SLC36A1: variants seen among roughly 807,000 people sequenced by gnomAD.
The protein encoded by SLC36A1 is proton-coupled amino acid transporter 1.
SLC36A1 carries 30 observed loss-of-function variants against 47.5 expected under a neutral mutation model. The ratio of observed to expected loss-of-function variants is 0.63; its 90% CI spans 0.47 to 0.86. The LOEUF is 0.86. SLC36A1 is among the 40% of genes least tolerant of loss of function. SLC36A1 has a pLI of 0.00. For missense variants in SLC36A1, 517 were observed against 606.0 expected, an observed-to-expected ratio of 0.85 and a Z score of 1.54; for synonymous variants, 255 against 249.7, an observed-to-expected ratio of 1.02 and a Z score of -0.20.
the SLC36A1 span, among the ~76,000 whole-genome samples, chr5:151,428,061 C>G: frequency 2.3e-3 from 343 of 152,310 alleles, 1 homozygote; most frequent in African/African-American, 7.7e-3. Context: ...GCTTCAGCCT[C>G]CCGATTGTGG....
the SLC36A1 span, among the ~76,000 whole-genome samples, chr5:151,518,722 A>C: frequency 1.3e-5 from 2 of 152,246 alleles, no homozygotes; most frequent in African/African-American, 4.8e-5. Context: ...GCACAGTTGC[A>C]TAGTATGGAG....
At chr5:151,462,750 A>G (rs188202423) in intron 2 of SLC36A1, among the ~76,000 whole-genome samples, 120 of 150,904 alleles carry the variant, frequency 8.0e-4, no homozygotes, top group African/African-American at 2.2e-3. Context: ...TTCACTTTGT[A>G]TCTTTCTGTT....
the SLC36A1 span, among the ~76,000 whole-genome samples, chr5:151,353,819 G>A: frequency 1.3e-5 from 2 of 152,072 alleles, no homozygotes; most frequent in Admixed American, 6.5e-5. Context: ...CATACAGACC[G>A]TAGCCTTACA....
chr5:151,365,350 G>A, the SLC36A1 span, among the ~76,000 whole-genome samples: 1 of 152,184 alleles, frequency 6.6e-6, no homozygotes, highest in Non-Finnish European at 1.5e-5. Flanking sequence ...ATCTTCACCT[G>A]GTTAAGGTGC....
At chr5:151,521,250 G>C in the SLC36A1 span, 5 of 1,569,804 alleles carry the variant, frequency 3.2e-6, no homozygotes, top group Admixed American at 1.7e-5. Context: ...AGTGCTGCTC[G>C]TCCCTAGGGA....
chr5:151,386,661 T>C, the SLC36A1 span, among the ~76,000 whole-genome samples: 2 of 152,172 alleles, frequency 1.3e-5, no homozygotes, highest in Admixed American at 6.5e-5. Context: ...CTTGTGCAAT[T>C]GGACACTCTC....
At chr5:151,366,216 T>A in the SLC36A1 span, among the ~76,000 whole-genome samples, 1 of 152,170 alleles carries the variant, frequency 6.6e-6, no homozygotes, top group South Asian at 2.1e-4. Flanking sequence ...AAATGGTAGA[T>A]CTCAGGAATA....
chr5:151,438,813 A>G (rs1759932218), intron 1 of SLC36A1, among the ~76,000 whole-genome samples: 1 of 152,178 alleles, frequency 6.6e-6, no homozygotes, highest in Admixed American at 6.5e-5. Flanking sequence ...CAGAATTTTG[A>G]ATTACTTGCA....
chr5:151,363,926 T>C, the SLC36A1 span, among the ~76,000 whole-genome samples: 1 of 152,210 alleles, frequency 6.6e-6, no homozygotes, highest in African/African-American at 2.4e-5. Context: ...TATTATAAGC[T>C]GATACTAGCA....
the SLC36A1 span, among the ~76,000 whole-genome samples, chr5:151,424,154 C>T: frequency 6.6e-6 from 1 of 152,188 alleles, no homozygotes; most frequent in Non-Finnish European, 1.5e-5. Flanking sequence ...GCAGAAACAG[C>T]CTCTCATTGC....
chr5:151,392,707 T>C, the SLC36A1 span, among the ~76,000 whole-genome samples: 2 of 152,180 alleles, frequency 1.3e-5, no homozygotes, highest in African/African-American at 4.8e-5. Flanking sequence ...TGTAGTTGAG[T>C]GGTTTTGAGT....
At chr5:151,365,658 AT>A in the SLC36A1 span, among the ~76,000 whole-genome samples, 1 of 152,226 alleles carries the variant, frequency 6.6e-6, no homozygotes, top group African/African-American at 2.4e-5. Flanking sequence ...TTTAGTGGTT[AT>A]GAACAAGGGG....
intron 7 of SLC36A1, chr5:151,470,926 A>C (rs1040612456): frequency 1.3e-5 from 2 of 152,202 alleles, no homozygotes; most frequent in African/African-American, 4.8e-5. Flanking sequence ...TGCTTTGCAC[A>C]GAGGGTGCTC....
chr5:151,464,788 T>C (rs962362903), intron 4 of SLC36A1, among the ~76,000 whole-genome samples, 186 bp downstream of exon 4: 1 of 152,262 alleles, frequency 6.6e-6, no homozygotes, highest in Non-Finnish European at 1.5e-5. Context: ...CATTATCATC[T>C]GTTAAATTTA....
At chr5:151,531,671 G>A in the SLC36A1 span, 2 of 1,613,810 alleles carry the variant, frequency 1.2e-6, no homozygotes, top group African/African-American at 1.3e-5. This position sits in a 1 kb window ranked among gnomAD's most constrained non-coding sequence, Gnocchi z 5.7. Context: ...GGGCGAGTGA[G>A]GGTGGCCAGC....
chr5:151,489,025 A>G lies in SLC36A1; in HGVS notation c.*771A>G, dbSNP rs1174513991. On this transcript the variant is annotated 3_prime_UTR_variant, in exon 11 of 11. Transcript: ENST00000243389. This position sits in a 1 kb window ranked among gnomAD's most constrained non-coding sequence, Gnocchi z 4.5. ...GGCTATTACGAATCACTTCTTCTTC[A>G]GTAAACTTTGACTCAACTTCTCCTG... 1 of 151,916 alleles carries G rather than the reference A, an allele frequency of 6.6e-6. No homozygotes were observed. The highest frequency in any genetic ancestry group is 2.4e-5 in the African/African-American group (1 of 41,250). The allele number at this position is 151,916 out of a possible 1,614,324, so 9.4% of individuals were successfully genotyped here. A position where few individuals can be genotyped will look rare whatever the true frequency, so the allele number is the denominator to read the frequency against.
At chr5:151,379,319 A>G in the SLC36A1 span, among the ~76,000 whole-genome samples, 1 of 152,080 alleles carries the variant, frequency 6.6e-6, no homozygotes, top group African/African-American at 2.4e-5. Context: ...ATTGAAATTT[A>G]TAGGTTTTCT....
the SLC36A1 span, chr5:151,545,258 AAATTTTTACCAGC>A: frequency 1.2e-6 from 2 of 1,614,042 alleles, no homozygotes; most frequent in Non-Finnish European, 1.7e-6. Context: ...TGGGTCAAAG[AAATTTTTACCAGC>A]GCAGTGTCTT....
chr5:151,392,395 A>G, the SLC36A1 span, among the ~76,000 whole-genome samples: 1 of 151,782 alleles, frequency 6.6e-6, no homozygotes, highest in Admixed American at 6.6e-5. Flanking sequence ...TTGTGTCTCT[A>G]TCTCCTTCAG....
Sources: allele counts gnomAD v4.1 joint callset (sites outside exome capture counted in the v4.1 genomes callset), GRCh38; gene constraint gnomAD v4.1.1; non-coding constraint Gnocchi (gnomAD v3.1); transcripts MANE v1.5; gene names NCBI Gene and HGNC (gene_info 2026-07-23, HGNC 2026-07-21).